SLC38A8: variants seen among roughly 807,000 people sequenced by gnomAD.
SLC38A8 encodes solute carrier family 38 member 8.
SLC38A8 carries 65 observed loss-of-function variants against 46.0 expected under a neutral mutation model. The observed-to-expected ratio is 1.41, with a 90% CI of 1.16 to 1.74. The LOEUF (loss-of-function observed/expected upper bound fraction) is 1.74, where lower values mean the gene tolerates loss of function less well. Ranked by LOEUF, SLC38A8 falls within the 40% of genes most tolerant of loss-of-function variation. The pLI is 0.00. For synonymous variants in SLC38A8, 447 were observed against 243.7 expected (o/e 1.83, Z -7.77); for missense variants, 998 against 567.9 (o/e 1.76, Z -7.70).
intron 2 of SLC38A8, among the ~76,000 whole-genome samples, chr16:84,040,541 C>G (rs2085355919): frequency 1.3e-5 from 2 of 152,196 alleles, no homozygotes; most frequent in South Asian, 4.1e-4. Context: ...TTCCTGCTGC[C>G]CGGGGATTGG....
chr16:84,019,681 C>T (rs1363873101), intron 7 of SLC38A8, among the ~76,000 whole-genome samples: 1 of 152,200 alleles, frequency 6.6e-6, no homozygotes, highest in East Asian at 1.9e-4. Flanking sequence ...CGCTCCAGCA[C>T]CAACTCAGAG....
intron 7 of SLC38A8, among the ~76,000 whole-genome samples, chr16:84,020,763 T>C (rs558094018): frequency 3.3e-5 from 5 of 152,364 alleles, no homozygotes; most frequent in Middle Eastern, 3.4e-3. Context: ...CTAAGATATC[T>C]GAAATGCCTT....
rs540789877 is a variant in SLC38A8, at chr16:84,025,201, G to A, written c.691-2312C>T. 1.6e-3 allele frequency among the ~76,000 whole-genome samples: 244 copies of A among 152,212 alleles called. 1 individual carries two copies. The highest frequency in any genetic ancestry group is 6.8e-3 in the Middle Eastern group (2 of 294). ...CTGGTGGGTTCAGGGTTCTTCCCAG[G>A]CTCCTGGGGCTGGTTCCCACCATCA... On this transcript the variant is annotated intron_variant, in intron 6 of 10. Transcript: ENST00000299709.
intron 10 of SLC38A8, among the ~76,000 whole-genome samples, chr16:84,011,776 C>T (rs574611296): frequency 6.6e-6 from 1 of 152,258 alleles, no homozygotes; most frequent in South Asian, 2.1e-4. Context: ...CCCAGCTACT[C>T]AGGAGGCTGA....
chr16:84,020,749 G>C (rs2085085908), intron 7 of SLC38A8, among the ~76,000 whole-genome samples: 1 of 152,226 alleles, frequency 6.6e-6, no homozygotes, highest in Non-Finnish European at 1.5e-5. Context: ...GGGAGGGGCA[G>C]CCTCTAAGAT....
intron 4 of SLC38A8, 135 bp downstream of exon 4, chr16:84,033,193 A>G (rs1034116306): frequency 8.4e-7 from 1 of 1,195,384 alleles, no homozygotes; most frequent in Non-Finnish European, 1.2e-6. Context: ...TTACTTGTAT[A>G]ATTTTTTTTT....
Position 84,028,155 on chromosome 16 carries a change from C to A in SLC38A8, c.690+1339G>T, listed in dbSNP as rs1233492053. ...AGAGACGAGCTCAATGGCTACAAAG[C>A]TGAGATCCGGTGGTAAACCCTGGAC... On this transcript the variant is annotated intron_variant, in intron 6 of 10. Coordinates refer to ENST00000299709, the MANE Select transcript of SLC38A8 (RefSeq NM_001080442.3). 2.0e-5 allele frequency among the ~76,000 whole-genome samples: 3 copies of A among 151,916 alleles called. No individual in the cohort carries two copies. In the East Asian group the frequency reaches 5.8e-4, roughly 29 times the overall value.
chr16:84,019,018 G>A (rs1002677039), intron 7 of SLC38A8, among the ~76,000 whole-genome samples: 7 of 152,064 alleles, frequency 4.6e-5, no homozygotes, highest in African/African-American at 1.7e-4. Flanking sequence ...AATTTTTATG[G>A]CTTGATGCCT....
intron 5 of SLC38A8, among the ~76,000 whole-genome samples, chr16:84,030,560 A>C (rs1034460396): frequency 8.6e-5 from 13 of 151,786 alleles, no homozygotes; most frequent in African/African-American, 2.9e-4. Context: ...CTCTACCTTG[A>C]CTGTTCCAGC....
At position 84,033,456 on chromosome 16, in the gene SLC38A8, G is replaced by A. The variant is rs1269227614; in HGVS notation, c.402C>T (p.Leu134=). 2.5e-6 allele frequency: 4 copies of A among 1,606,880 alleles called. No individual in the cohort carries two copies. The Admixed American group carries it at 5.0e-5, about 20-fold the overall frequency. The change falls in exon 4 of 11, where the codon CTC becomes CTT. Residue 134 remains leucine, a synonymous_variant. Coordinates refer to ENST00000299709, the MANE Select transcript of SLC38A8 (RefSeq NM_001080442.3). ...GDQLEKLCDS[L]LSGTPPAPQP... ...GCGGGGCGGGCGGGGTGCCAGACAG[G>A]AGGGAGTCACACACTGCCAGAGACA... is the stretch of plus-strand genomic sequence containing the variant.
intron 6 of SLC38A8, among the ~76,000 whole-genome samples, chr16:84,028,312 G>A (rs2085190465): frequency 1.3e-5 from 2 of 152,252 alleles, no homozygotes; most frequent in Middle Eastern, 3.4e-3. Flanking sequence ...CAGGCACGGT[G>A]GCTCACGCCT....
chr16:84,013,193 G>T, intron 9 of SLC38A8, 141 bp from the exon 10 acceptor site: 1 of 827,168 alleles, frequency 1.2e-6, no homozygotes, highest in Non-Finnish European at 1.9e-6. Context: ...CCCCTGGAGA[G>T]GCAACACAGT....
intron 2 of SLC38A8, among the ~76,000 whole-genome samples, chr16:84,039,295 G>C (rs1419844675): frequency 6.6e-6 from 1 of 152,184 alleles, no homozygotes; most frequent in South Asian, 2.1e-4. Flanking sequence ...AGCAGCCCTA[G>C]GAAACAGACA....
At chr16:84,010,982 G>C (rs368053024) in intron 10 of SLC38A8, among the ~76,000 whole-genome samples, 20 of 152,202 alleles carry the variant, frequency 1.3e-4, no homozygotes, top group African/African-American at 4.8e-4. Context: ...AGATGGGGTA[G>C]ACAAGGAGGT....
intron 5 of SLC38A8, among the ~76,000 whole-genome samples, chr16:84,030,862 C>T (rs1000257622): frequency 5.4e-5 from 8 of 147,820 alleles, no homozygotes; most frequent in Admixed American, 1.4e-4. Context: ...ACCCACGAGC[C>T]AGCCCTGCCA....
intron 6 of SLC38A8, among the ~76,000 whole-genome samples, chr16:84,023,892 T>A (rs538023659): frequency 7.9e-5 from 12 of 152,226 alleles, no homozygotes; most frequent in African/African-American, 2.9e-4. Context: ...ACACTGTGTC[T>A]CAAAAGAAAA....
At chr16:84,033,086 C>T (rs2085263675) in intron 4 of SLC38A8, among the ~76,000 whole-genome samples, 1 of 151,918 alleles carries the variant, frequency 6.6e-6, no homozygotes, top group African/African-American at 2.4e-5. Context: ...CAGCCATGTG[C>T]AAAAAATCCA....
chr16:84,032,435 C>T (rs1443618040), intron 4 of SLC38A8, among the ~76,000 whole-genome samples: 2 of 152,204 alleles, frequency 1.3e-5, no homozygotes, highest in East Asian at 1.9e-4. Flanking sequence ...GATCTGCCTG[C>T]CTTGGCCTCC....
rs147838856 is a variant in SLC38A8, at chr16:84,018,441, G to C, written c.806-1154C>G. ...TCACCGTGTTAGCCAGGATGGTCTC[G>C]ATCTCCTGACCTCGTGATCCACCCG... On this transcript the variant is annotated intron_variant, in intron 7 of 10. Coordinates refer to ENST00000299709, the MANE Select transcript of SLC38A8 (RefSeq NM_001080442.3). Among the ~76,000 whole-genome samples the C allele has an allele frequency of 4.1e-3, 625 of 151,984 alleles. 5 individuals carry two copies. The highest frequency in any genetic ancestry group is 0.014 in the African/African-American group (593 of 41,450).
Sources: gnomAD v4.1 joint callset for allele counts (sites outside exome capture counted in the v4.1 genomes callset) on GRCh38, gnomAD v4.1.1 for gene constraint, MANE v1.5 for transcripts, NCBI Gene and HGNC (gene_info 2026-07-23, HGNC 2026-07-21) for gene names.